Variants in UGT1A10 observed in about 807,000 individuals in gnomAD.
UGT1A10 encodes UDP-glucuronosyltransferase 1A10.
In UGT1A10, 49 loss-of-function variants were observed where a neutral mutation model predicts 45.8. The ratio of observed to expected loss-of-function variants is 1.07; its 90% CI spans 0.85 to 1.36. UGT1A10 has a LOEUF of 1.36. Ranked by LOEUF, UGT1A10 falls within the 40% of genes most tolerant of loss-of-function variation. The pLI is 0.00. For missense variants in UGT1A10, 745 were observed against 668.6 expected, an observed-to-expected ratio of 1.11 and a Z score of -1.26; for synonymous variants, 284 against 249.7, an observed-to-expected ratio of 1.14 and a Z score of -1.29.
At chr2:233,711,983 C>T (rs1229844576) in intron 1 of UGT1A10, among the ~76,000 whole-genome samples, 4 of 152,190 alleles carry the variant, frequency 2.6e-5, no homozygotes, top group Non-Finnish European at 5.9e-5. Context: ...AGAGCCCCCA[C>T]AAATTATTCT....
chr2:233,768,054 A>T (rs1384127703), intron 3 of UGT1A10, 118 bp downstream of exon 3: 6 of 1,603,138 alleles, frequency 3.7e-6, no homozygotes, highest in Non-Finnish European at 5.1e-6. Context: ...CATATCCTAC[A>T]TTGCTTTTTA....
Position 233,767,146 on chromosome 2 carries a change from T to C in UGT1A10, c.968T>C (p.Leu323Ser), listed in dbSNP as rs372326047. ...EKKAMAIADA[L>S]GKIPQTVLWR... The stretch of plus-strand genomic sequence containing the variant: ...AAAGCTATGGCAATTGCTGATGCTT[T>C]GGGCAAAATCCCTCAGACAGTAAGA... Residue 323 changes from leucine (L) to serine (S), a missense_variant, in exon 2 of 5, where the codon TTG (leucine) becomes TCG (serine). Transcript: ENST00000344644. 1 of 1,614,014 alleles carries C rather than the reference T, an allele frequency of 6.2e-7. No individual in the cohort carries two copies. Among genetic ancestry groups the C allele is most frequent in the Admixed American group, 1.7e-5 (1 of 60,006 alleles).
At chr2:233,712,361 C>T (rs1434368620) in intron 1 of UGT1A10, among the ~76,000 whole-genome samples, 1 of 152,174 alleles carries the variant, frequency 6.6e-6, no homozygotes, top group Non-Finnish European at 1.5e-5. Flanking sequence ...CTCAGCCTCC[C>T]TGCAGCTTTT....
intron 1 of UGT1A10, chr2:233,648,791 T>G: frequency 1.1e-6 from 1 of 895,394 alleles, no homozygotes; most frequent in Non-Finnish European, 1.7e-6. Flanking sequence ...AAGGAGAGAG[T>G]AAGGAACCAC....
At chr2:233,665,635 G>T (rs926597749) in intron 1 of UGT1A10, among the ~76,000 whole-genome samples, 5 of 152,204 alleles carry the variant, frequency 3.3e-5, no homozygotes, top group Non-Finnish European at 7.3e-5. Context: ...TGGGCTCTGA[G>T]GTCTAAGGGC....
intron 1 of UGT1A10, among the ~76,000 whole-genome samples, chr2:233,724,130 C>A (rs2077172730): frequency 2.5e-5 from 3 of 120,862 alleles, no homozygotes; most frequent in Non-Finnish European, 3.4e-5. Flanking sequence ...CCCCTCACCT[C>A]CCGGACGGGG....
intron 1 of UGT1A10, among the ~76,000 whole-genome samples, chr2:233,695,542 T>A (rs1238295207): frequency 3.9e-5 from 6 of 152,256 alleles, no homozygotes; most frequent in African/African-American, 1.4e-4. Context: ...TTTTCTTTTT[T>A]AAATTTTAAC....
chr2:233,713,649 C>A lies in UGT1A10; in HGVS notation c.856-53385C>A, dbSNP rs2076336502. 5.6e-6 allele frequency: 9 copies of A among 1,613,872 alleles called. No individual in the cohort carries two copies. The East Asian group carries it at 2.0e-4, about 36-fold the overall frequency. On this transcript the variant is annotated intron_variant, in intron 1 of 4. Transcript: ENST00000344644. ...CAAGAACATGCTCTACCCTCTGGCC[C>A]TGTCCTACCTTTGCCATGCTGTTTC... is the stretch of plus-strand genomic sequence containing the variant.
intron 1 of UGT1A10, among the ~76,000 whole-genome samples, chr2:233,765,971 T>A (rs950382144): frequency 6.6e-6 from 1 of 152,072 alleles, no homozygotes; most frequent in African/African-American, 2.4e-5. Context: ...TAGAGGTGGA[T>A]GTTTACAGCT....
At chr2:233,762,186 C>A (rs1400291325) in intron 1 of UGT1A10, among the ~76,000 whole-genome samples, 1 of 152,134 alleles carries the variant, frequency 6.6e-6, no homozygotes, top group African/African-American at 2.4e-5. Context: ...TCAACACCTG[C>A]CAATGGGTCT....
chr2:233,755,205 G>A, intron 1 of UGT1A10: 1 of 1,079,938 alleles, frequency 9.3e-7, no homozygotes, highest in Non-Finnish European at 1.3e-6. Flanking sequence ...CTTGCGGTAC[G>A]CCTTCTTGAT....
intron 1 of UGT1A10, among the ~76,000 whole-genome samples, chr2:233,707,982 G>A (rs1273981349): frequency 6.6e-6 from 1 of 152,134 alleles, no homozygotes; most frequent in Non-Finnish European, 1.5e-5. Context: ...TGCCCACTGG[G>A]TTGTCTACTC....
At position 233,772,394 on chromosome 2, in the gene UGT1A10, C is replaced by T. The variant is rs369610863; in HGVS notation, c.1428C>T (p.His476=). Reference sequence around the variant, plus strand: ...CGCCACACCTGCGCCCCGCAGCCCACGACCTCACCTGGTACCAGTACCATT... The same window carrying T: ...CGCCACACCTGCGCCCCGCAGCCCATGACCTCACCTGGTACCAGTACCATT... ...KGAPHLRPAA[H]DLTWYQYHSL... The change falls in exon 5 of 5, where the codon CAC becomes CAT. Residue 476 remains histidine, a synonymous_variant. Coordinates refer to ENST00000344644, the MANE Select transcript of UGT1A10 (RefSeq NM_019075.4). 1.2e-5 allele frequency: 19 copies of T among 1,614,144 alleles called. No homozygotes were observed. The highest frequency in any genetic ancestry group is 1.2e-4 in the Admixed American group (7 of 60,014).
intron 1 of UGT1A10, among the ~76,000 whole-genome samples, chr2:233,650,171 T>C (rs1393440393): frequency 7.2e-5 from 11 of 152,162 alleles, no homozygotes; most frequent in Admixed American, 5.9e-4. Flanking sequence ...GGTTTCTCCA[T>C]GTTGGTCAGG....
chr2:233,648,564 C>T, intron 1 of UGT1A10: 1 of 192,194 alleles, frequency 5.2e-6, no homozygotes, highest in South Asian at 1.1e-4. Flanking sequence ...GGGTTCACGC[C>T]ATTCCTCTGC....
At chr2:233,661,448 A>G (rs576105740) in intron 1 of UGT1A10, among the ~76,000 whole-genome samples, 4 of 152,242 alleles carry the variant, frequency 2.6e-5, no homozygotes, top group East Asian at 3.9e-4. Flanking sequence ...TTTAACCCAC[A>G]GATGGAATCC....
At chr2:233,675,651 CAT>C (rs1329015042) in intron 1 of UGT1A10, among the ~76,000 whole-genome samples, 1 of 152,160 alleles carries the variant, frequency 6.6e-6, no homozygotes, top group Admixed American at 6.5e-5. Context: ...AGTTTTCAAA[CAT>C]ACACAATGGA....
intron 1 of UGT1A10, among the ~76,000 whole-genome samples, chr2:233,757,479 A>G (rs1206962025): frequency 6.1e-5 from 9 of 148,148 alleles, no homozygotes; most frequent in African/African-American, 1.5e-4. Context: ...CTCCAAAACC[A>G]TGGACTGGCA....
At chr2:233,724,576 G>A (rs1380708117) in intron 1 of UGT1A10, among the ~76,000 whole-genome samples, 1 of 128,988 alleles carries the variant, frequency 7.8e-6, no homozygotes, top group South Asian at 3.2e-4. Flanking sequence ...GCGGGGCAGA[G>A]GCGCTCCCCA....
Sources: gnomAD v4.1 joint callset for allele counts (sites outside exome capture counted in the v4.1 genomes callset) on GRCh38, gnomAD v4.1.1 for gene constraint, MANE v1.5 for transcripts, NCBI Gene and HGNC (gene_info 2026-07-23, HGNC 2026-07-21) for gene names.